Variants in MICU3 observed in about 807,000 individuals in gnomAD.
MICU3 encodes calcium uptake protein 3, mitochondrial.
In MICU3, 62 loss-of-function variants were observed where a neutral mutation model predicts 66.5. The ratio of observed to expected loss-of-function variants is 0.93; its 90% confidence interval spans 0.76 to 1.15. The LOEUF (loss-of-function observed/expected upper bound fraction) is 1.15. Among genes scored for constraint, MICU3 ranks in the 50% most tolerant of loss-of-function variants. The pLI is 0.00. For synonymous variants in MICU3, 308 were observed against 240.7 expected (o/e 1.28, Z -2.59); for missense variants, 779 against 664.4 (o/e 1.17, Z -1.90).
intron 11 of MICU3, among the ~76,000 whole-genome samples, chr8:17,113,306 G>T (rs1395275509): frequency 6.6e-6 from 1 of 152,162 alleles, no homozygotes; most frequent in Non-Finnish European, 1.5e-5. Context: ...ATGTTAATTT[G>T]CTGAGGAGAA....
intron 9 of MICU3, among the ~76,000 whole-genome samples, chr8:17,101,825 A>T (rs1436090612): frequency 6.6e-6 from 1 of 151,880 alleles, no homozygotes; most frequent in East Asian, 1.9e-4. Flanking sequence ...TTTTTCATTA[A>T]GATTCAACAT....
At position 17,090,970 on chromosome 8, in the gene MICU3, C is replaced by T. The variant is rs992802500; in HGVS notation, c.888+386C>T. Among the ~76,000 whole-genome samples the T allele has an allele frequency of 1.1e-4, 16 of 152,170 alleles. No individual in the cohort carries two copies. The East Asian group carries it at 1.6e-3, about 15-fold the overall frequency. On this transcript the variant is annotated intron_variant, in intron 8 of 14. Coordinates refer to ENST00000318063, the MANE Select transcript of MICU3 (RefSeq NM_181723.3). ...CAGATCTATCCACCTTATGTACAGT[C>T]TTTGTTCAATTCTAATAAGTGTCTT...
At chr8:17,088,086 C>T (rs558629877) in intron 7 of MICU3, among the ~76,000 whole-genome samples, 1 of 151,766 alleles carries the variant, frequency 6.6e-6, no homozygotes, top group East Asian at 1.9e-4. Context: ...ATATTCAATC[C>T]CAATATATTT....
At chr8:17,120,201 ATAT>A (rs999340580) in intron 14 of MICU3, 84 bp from the exon 15 acceptor site, 2 of 126,852 alleles carry the variant, frequency 1.6e-5, no homozygotes. Flanking sequence ...CTTACGTTTC[ATAT>A]TATTATAAGA....
intron 5 of MICU3, 183 bp downstream of exon 5, chr8:17,081,923 A>G (rs1340711232): frequency 1.1e-5 from 5 of 458,176 alleles, no homozygotes; most frequent in Middle Eastern, 3.8e-4. Flanking sequence ...CATAAATGCT[A>G]CAGCTTATGG....
chr8:17,134,665 C>T, the MICU3 span, among the ~76,000 whole-genome samples: 1 of 152,134 alleles, frequency 6.6e-6, no homozygotes, highest in East Asian at 1.9e-4. Context: ...AGGATGGTCT[C>T]AATCTCCTGA....
chr8:17,064,030 T>C (rs1180861185), intron 1 of MICU3, 54 bp from the exon 2 acceptor site: 13 of 1,388,364 alleles, frequency 9.4e-6, no homozygotes, highest in Non-Finnish European at 1.3e-5. Flanking sequence ...AAGTATCTTC[T>C]AGAGGGAGGT....
At chr8:17,098,317 CAGCAGAAAACA>C in intron 8 of MICU3, 130 bp from the exon 9 acceptor site, 1 of 710,720 alleles carries the variant, frequency 1.4e-6, no homozygotes, top group Non-Finnish European at 2.5e-6. Flanking sequence ...CTGTGGTGCA[CAGCAGAAAACA>C]AAACAAACAA....
chr8:17,136,307 G>T, the MICU3 span, among the ~76,000 whole-genome samples: 1 of 152,042 alleles, frequency 6.6e-6, no homozygotes, highest in Non-Finnish European at 1.5e-5. Context: ...CAATAAAAAA[G>T]TTATTTTTCA....
intron 12 of MICU3, among the ~76,000 whole-genome samples, chr8:17,115,696 A>C (rs1397560285): frequency 2.6e-5 from 4 of 152,172 alleles, no homozygotes; most frequent in Non-Finnish European, 5.9e-5. Flanking sequence ...TTCTTAAAAA[A>C]TTAACTTTTC....
chr8:17,033,833 A>G (rs1288109368), intron 1 of MICU3, among the ~76,000 whole-genome samples: 1 of 152,218 alleles, frequency 6.6e-6, no homozygotes, highest in Non-Finnish European at 1.5e-5. Flanking sequence ...TAAGGAAAGA[A>G]GCCTTCTCCA....
At chr8:17,105,377 TTA>T (rs750421704) in intron 10 of MICU3, 34 bp from the exon 11 acceptor site, 2 of 1,310,116 alleles carry the variant, frequency 1.5e-6, no homozygotes, top group South Asian at 2.7e-5. Context: ...TACTCTTTCT[TTA>T]TCTTTTTCCT....
At chr8:17,133,673 G>C in the MICU3 span, among the ~76,000 whole-genome samples, 1 of 151,834 alleles carries the variant, frequency 6.6e-6, no homozygotes, top group Admixed American at 6.6e-5. Context: ...GACTAATTTT[G>C]TTACCTGGTA....
the MICU3 span, among the ~76,000 whole-genome samples, chr8:17,136,559 C>T: frequency 6.6e-6 from 1 of 152,248 alleles, no homozygotes; most frequent in African/African-American, 2.4e-5. Flanking sequence ...TCTGCTCACT[C>T]ATGGCTCTGC....
chr8:17,120,025 A>G (rs1803075854), intron 14 of MICU3, among the ~76,000 whole-genome samples: 1 of 152,198 alleles, frequency 6.6e-6, no homozygotes, highest in Admixed American at 6.5e-5. Flanking sequence ...GACTTGTAGT[A>G]TCACACTGGC....
the MICU3 span, among the ~76,000 whole-genome samples, chr8:17,130,871 A>G: frequency 6.6e-6 from 1 of 152,266 alleles, no homozygotes; most frequent in Admixed American, 6.5e-5. Context: ...TTCACTAAAC[A>G]TTCCAACTAA....
chr8:17,066,327 C>T (rs368688329), intron 2 of MICU3, among the ~76,000 whole-genome samples: 8 of 151,322 alleles, frequency 5.3e-5, no homozygotes, highest in East Asian at 1.9e-4. Context: ...AGGAAACTTA[C>T]GATATTATAA....
the MICU3 span, among the ~76,000 whole-genome samples, chr8:17,129,129 C>T: frequency 6.6e-5 from 10 of 152,314 alleles, no homozygotes; most frequent in South Asian, 1.2e-3. Context: ...TAAAATTAAA[C>T]CTTGACAGGA....
chr8:17,064,041 A>T, intron 1 of MICU3, 43 bp from the exon 2 acceptor site: 1 of 1,518,176 alleles, frequency 6.6e-7, no homozygotes, highest in Non-Finnish European at 9.0e-7. Context: ...AGAGGGAGGT[A>T]TTACTTCACA....
Sources: gnomAD v4.1 joint callset for allele counts (sites outside exome capture counted in the v4.1 genomes callset) on GRCh38, gnomAD v4.1.1 for gene constraint, MANE v1.5 for transcripts, NCBI Gene and HGNC (gene_info 2026-07-23, HGNC 2026-07-21) for gene names.